METTL22: variants seen among roughly 807,000 people sequenced by gnomAD.
The protein encoded by METTL22 is methyltransferase-like protein 22.
In METTL22, 51 loss-of-function variants were observed where a neutral mutation model predicts 48.4. The ratio of observed to expected loss-of-function variants is 1.05; its 90% CI spans 0.84 to 1.33. The LOEUF (loss-of-function observed/expected upper bound fraction) is 1.33, where lower values mean the gene tolerates loss of function less well. METTL22 is among the 40% of genes most tolerant of loss of function. METTL22 has a pLI of 0.00. For missense variants in METTL22, 678 were observed against 526.9 expected (o/e 1.29, Z -2.81); for synonymous variants, 255 against 214.1 (o/e 1.19, Z -1.67).
the METTL22 span, among the ~76,000 whole-genome samples, chr16:8,666,101 C>T: frequency 5.3e-5 from 8 of 152,294 alleles, no homozygotes; most frequent in East Asian, 9.7e-4. Context: ...CTGAGACTCA[C>T]CCTGAGGGTG....
chr16:8,644,869 T>A (rs1338801282), intron 10 of METTL22, 144 bp downstream of exon 10: 1 of 854,594 alleles, frequency 1.2e-6, no homozygotes, highest in African/African-American at 1.7e-5. Context: ...CCTGGCACCA[T>A]CTGTAGTGGA....
the METTL22 span, among the ~76,000 whole-genome samples, chr16:8,655,496 G>A: frequency 1.3e-5 from 2 of 152,220 alleles, no homozygotes; most frequent in African/African-American, 4.8e-5. Flanking sequence ...TTTACTGGGA[G>A]GTAACCTAAT....
At chr16:8,639,294 G>A in intron 6 of METTL22, 132 bp downstream of exon 6, 1 of 841,504 alleles carries the variant, frequency 1.2e-6, no homozygotes, top group South Asian at 1.4e-5. Flanking sequence ...AAGGGGAGCA[G>A]GCGTCGTCTG....
intron 6 of METTL22, 43 bp from the exon 7 acceptor site, chr16:8,641,088 A>T (rs766402431): frequency 6.4e-7 from 1 of 1,573,992 alleles, no homozygotes; most frequent in South Asian, 1.1e-5. Flanking sequence ...TTTCCTGATG[A>T]TGTTTAGAGT....
downstream of METTL22, among the ~76,000 whole-genome samples, chr16:8,650,639 G>T (rs1367376083): frequency 6.6e-6 from 1 of 152,196 alleles, no homozygotes; most frequent in East Asian, 1.9e-4. Flanking sequence ...TCAAGGTGGT[G>T]AATACCTCAA....
Position 8,648,627 on chromosome 16 carries a change from CAAA to C in METTL22, c.*2496_*2498del, listed in dbSNP as rs1279156689. On this transcript the variant is annotated 3_prime_UTR_variant, in exon 11 of 11. Coordinates refer to ENST00000381920, the MANE Select transcript of METTL22 (RefSeq NM_024109.4). The stretch of plus-strand genomic sequence containing the variant: ...GGGCAACAAGAGCAAAACTCCATCT[CAAA>C]AAAAAAAAAAAGCCAGGCGTAGTGG... 8.5e-5 allele frequency: 11 copies of C among 129,466 alleles called. No individual in the cohort carries two copies. The highest frequency in any genetic ancestry group is 1.3e-4 in the Non-Finnish European group (8 of 60,518). The allele number at this position is 129,466 out of a possible 1,614,324, so 8.0% of individuals were successfully genotyped here.
intron 5 of METTL22, among the ~76,000 whole-genome samples, chr16:8,638,347 A>T (rs1024605674): frequency 4.6e-5 from 7 of 152,174 alleles, no homozygotes; most frequent in African/African-American, 1.7e-4. Flanking sequence ...AGCAAATGTC[A>T]TTAACAAGAC....
intron 3 of METTL22, chr16:8,631,382 G>T (rs1414962032): frequency 6.6e-6 from 1 of 152,170 alleles, no homozygotes; most frequent in Non-Finnish European, 1.5e-5. Context: ...GAAAGGCAGG[G>T]CTGGAACTCA....
Position 8,628,920 on chromosome 16 carries a change from C to T in METTL22, c.324C>T (p.Gly108=), listed in dbSNP as rs552684883. The T allele has an allele frequency of 6.2e-7, 1 of 1,613,978 alleles. No homozygotes were observed. The highest frequency in any genetic ancestry group is 1.1e-5 in the South Asian group (1 of 91,068). ...FSLQAGTDTT[G]QEVAEAQLDE... Reference sequence around the variant, plus strand: ...TCCAGGCCGGGACTGACACCACTGGCCAGGAAGTGGCTGAAGCTCAGCTGG... The same window carrying T: ...TCCAGGCCGGGACTGACACCACTGGTCAGGAAGTGGCTGAAGCTCAGCTGG... Residue 108 remains glycine (G), a synonymous_variant, in exon 3 of 11, where the codon GGC becomes GGT. Transcript: ENST00000381920.
At chr16:8,640,910 A>AAGGGCCGGAAGATGGGCAGGTGGG (rs2056586904) in intron 6 of METTL22, among the ~76,000 whole-genome samples, 1 of 78,706 alleles carries the variant, frequency 1.3e-5, no homozygotes, top group African/African-American at 4.5e-5. Flanking sequence ...GGATGGATGG[A>AAGGGCCGGAAGATGGGCAGGTGGG]TGGATGGATG....
chr16:8,632,035 A>C (rs1411216893), intron 3 of METTL22: 1 of 152,250 alleles, frequency 6.6e-6, no homozygotes, highest in African/African-American at 2.4e-5. Flanking sequence ...TACCCATTCG[A>C]ACACTAGCAA....
the METTL22 span, among the ~76,000 whole-genome samples, chr16:8,662,557 G>A: frequency 6.9e-6 from 1 of 144,576 alleles, no homozygotes; most frequent in Non-Finnish European, 1.5e-5. Flanking sequence ...TTCTAGACCA[G>A]GAAGGTGACA....
At position 8,635,315 on chromosome 16, in the gene METTL22, A is replaced by C. The variant is rs1196256448; in HGVS notation, c.700+3A>C. ...GGCACGGACCGTTTATTGTACAGGTAATGAGGTGACATCTCAGGCTGCAGG... is the reference window on the plus strand; with the variant it reads ...GGCACGGACCGTTTATTGTACAGGTCATGAGGTGACATCTCAGGCTGCAGG... On this transcript the variant is annotated splice_donor_region_variant and intron_variant, in intron 5 of 10. Coordinates refer to ENST00000381920, the MANE Select transcript of METTL22 (RefSeq NM_024109.4). The C allele has an allele frequency of 2.6e-6, 4 of 1,546,634 alleles. No individual in the cohort carries two copies. The highest frequency in any genetic ancestry group is 3.5e-6 in the Non-Finnish European group (4 of 1,147,778).
At chr16:8,638,329 G>A (rs1270460962) in intron 5 of METTL22, among the ~76,000 whole-genome samples, 2 of 152,182 alleles carry the variant, frequency 1.3e-5, no homozygotes, top group African/African-American at 4.8e-5. Flanking sequence ...CACGCCCACA[G>A]TGGACCAAGC....
chr16:8,656,673 G>T, the METTL22 span, among the ~76,000 whole-genome samples: 1 of 152,216 alleles, frequency 6.6e-6, no homozygotes, highest in East Asian at 1.9e-4. Flanking sequence ...GCTGGCCTGG[G>T]CTGGGCTGTG....
chr16:8,642,474 G>C lies in METTL22; in HGVS notation c.919G>C (p.Asp307His). Residue 307 changes from aspartate (D) to histidine (H), a missense_variant, in exon 9 of 11, where the codon GAC (aspartate) becomes CAC (histidine). By Grantham distance (81) the Asp-to-His change is moderately conservative. Transcript: ENST00000381920. ...ILFAAEVFYDDDLTDAVFKTL... is the reference protein window; with the variant it reads ...ILFAAEVFYDHDLTDAVFKTL... ...TTTGCTTCCCACAGTGTTTTACGACGACGACTTGACTGATGCTGTGTTTAA... is the reference window on the plus strand; with the variant it reads ...TTTGCTTCCCACAGTGTTTTACGACCACGACTTGACTGATGCTGTGTTTAA... The C allele has an allele frequency of 6.2e-7, 1 of 1,614,150 alleles. No individual in the cohort carries two copies. Among genetic ancestry groups the C allele is most frequent in the Admixed American group, 1.7e-5 (1 of 60,014 alleles).
chr16:8,639,079 C>CT lies in METTL22; in HGVS notation c.701-11dup, dbSNP rs756397204. 6.2e-7 allele frequency: 1 copy of CT among 1,613,910 alleles called. No homozygotes were observed. On this transcript the variant is annotated splice_polypyrimidine_tract_variant and intron_variant, in intron 5 of 10. Transcript: ENST00000381920. ...TGGCTGGCACTTTATGGCTTGCCCT[C>CT]TGTCATTCCAGATGTCGGTGCAGAT...
At chr16:8,657,824 C>CTTTTTTTTTTTTTTTTTTTTTTTT in the METTL22 span, among the ~76,000 whole-genome samples, 2 of 137,434 alleles carry the variant, frequency 1.5e-5, no homozygotes, top group African/African-American at 2.9e-5. Context: ...TCTTTTCTTT[C>CTTTTTTTTTTTTTTTTTTTTTTTT]TTTTTTTTTT....
rs767291104 is a variant in METTL22, at chr16:8,635,192, G to A, written c.580G>A (p.Ala194Thr). 1.2e-6 allele frequency: 2 copies of A among 1,610,974 alleles called. No homozygotes were observed. The highest frequency in any genetic ancestry group is 2.2e-5 in the South Asian group (2 of 90,758). The change falls in exon 5 of 11, where the codon GCA (alanine) becomes ACA (threonine). Residue 194 changes from alanine (A) to threonine (T), a missense_variant. Ala to Thr is a moderately conservative substitution (Grantham distance 58). Coordinates refer to ENST00000381920, the MANE Select transcript of METTL22 (RefSeq NM_024109.4). ...GGTGTGGCGGGGCGCCCTGCTCCTGGCAGACTACATCCTGTTCCGACAGGA... is the reference window on the plus strand; with the variant it reads ...GGTGTGGCGGGGCGCCCTGCTCCTGACAGACTACATCCTGTTCCGACAGGA... ...KQVWRGALLLADYILFRQDLF... is the reference protein window; with the variant it reads ...KQVWRGALLLTDYILFRQDLF...
Sources: allele counts gnomAD v4.1 joint callset (sites outside exome capture counted in the v4.1 genomes callset), GRCh38; gene constraint gnomAD v4.1.1; transcripts MANE v1.5; gene names NCBI Gene and HGNC (gene_info 2026-07-23, HGNC 2026-07-21).